The following BCL2 variants were observed in gnomAD, a reference collection of about 807,000 sequenced individuals.
BCL2 encodes BCL2 apoptosis regulator, also known as apoptosis regulator Bcl-2.
In BCL2, 1 loss-of-function variant was observed where a neutral mutation model predicts 14.2. The observed-to-expected ratio is 0.07, with a 90% confidence interval of 0.02 to 0.33. BCL2 has a LOEUF of 0.33. Among genes scored for constraint, BCL2 ranks in the 10% least tolerant of loss-of-function variants. The pLI is 0.99. For missense variants in BCL2, 247 were observed against 305.9 expected (o/e 0.81, Z 1.44); for synonymous variants, 151 against 137.2 (o/e 1.10, Z -0.70).
At chr18:63,280,436 TA>T (rs1311330007) in intron 2 of BCL2, among the ~76,000 whole-genome samples, 9 of 152,232 alleles carry the variant, frequency 5.9e-5, no homozygotes, top group Admixed American at 5.2e-4. Context: ...GTATATCTGA[TA>T]ACGGATTAAC....
chr18:63,199,081 T>TA (rs1461900884), intron 2 of BCL2, among the ~76,000 whole-genome samples: 1 of 136,138 alleles, frequency 7.3e-6, no homozygotes, highest in Non-Finnish European at 1.6e-5. Flanking sequence ...CATGCACACA[T>TA]AGAGACACAC....
At chr18:63,241,856 C>T (rs1028847626) in intron 2 of BCL2, among the ~76,000 whole-genome samples, 5 of 152,136 alleles carry the variant, frequency 3.3e-5, no homozygotes, top group African/African-American at 4.8e-5. Context: ...GGTCACCTTT[C>T]GTAAAAAATA....
In BCL2 at chr18:63,125,213, C is replaced by T. The variant is rs1459660216; in HGVS notation, c.*3412G>A. The T allele has an allele frequency of 4.4e-6, 1 of 225,232 alleles. No homozygotes were observed. The highest frequency in any genetic ancestry group is 8.8e-6 in the Non-Finnish European group (1 of 113,100). 14.0% of individuals were successfully genotyped at this position (225,232 alleles called of 1,614,324 possible). A position where few individuals can be genotyped will look rare whatever the true frequency, so the allele number is the denominator to read the frequency against. On this transcript the variant is annotated 3_prime_UTR_variant, in exon 3 of 3. Coordinates refer to ENST00000333681, the MANE Select transcript of BCL2 (RefSeq NM_000633.3). ...ACAAAGATCACATATAAATGGAAGG[C>T]CACATCTGAACACAGAGAGGTAAGT...
chr18:63,307,310 C>A (rs1021494878), intron 2 of BCL2, among the ~76,000 whole-genome samples: 1 of 152,174 alleles, frequency 6.6e-6, no homozygotes, highest in Admixed American at 6.5e-5. Flanking sequence ...GTATTCCGTA[C>A]AAAAGGTATT....
chr18:63,257,821 G>A (rs146512760), intron 2 of BCL2, among the ~76,000 whole-genome samples: 36 of 152,342 alleles, frequency 2.4e-4, no homozygotes, highest in Non-Finnish European at 4.4e-4. Context: ...GAGGGACGGA[G>A]CATGGAGAGG....
intron 2 of BCL2, chr18:63,161,889 C>A (rs551561462): frequency 4.6e-5 from 7 of 152,340 alleles, no homozygotes; most frequent in African/African-American, 1.7e-4. Context: ...AAACATATTT[C>A]TTTCTCTATG....
intron 2 of BCL2, among the ~76,000 whole-genome samples, chr18:63,243,059 TC>T (rs1341549535): frequency 6.6e-6 from 1 of 152,172 alleles, no homozygotes; most frequent in Admixed American, 6.5e-5. Context: ...TGCAAATTCA[TC>T]AGCATCTGCA....
At chr18:63,176,602 T>C (rs566584213) in intron 2 of BCL2, among the ~76,000 whole-genome samples, 49 of 152,358 alleles carry the variant, frequency 3.2e-4, no homozygotes, top group African/African-American at 1.2e-3. Context: ...TTCTTTCTTT[T>C]TTTTACAATT....
intron 2 of BCL2, among the ~76,000 whole-genome samples, chr18:63,172,606 C>A (rs1454004777): frequency 6.6e-6 from 1 of 152,024 alleles, no homozygotes; most frequent in Non-Finnish European, 1.5e-5. Flanking sequence ...ACGGTGAAAC[C>A]CTGTCTCTAC....
intron 2 of BCL2, among the ~76,000 whole-genome samples, chr18:63,216,470 T>C (rs1910207664): frequency 6.6e-6 from 1 of 151,482 alleles, no homozygotes; most frequent in South Asian, 2.1e-4. Flanking sequence ...TGGCCCTCTG[T>C]AAAGTTTACA....
intron 2 of BCL2, among the ~76,000 whole-genome samples, chr18:63,201,506 T>C (rs1439500602): frequency 6.6e-6 from 1 of 152,234 alleles, no homozygotes; most frequent in Admixed American, 6.5e-5. Flanking sequence ...TGTGTCTTCA[T>C]AGTAGAAGGA....
At chr18:63,305,288 T>A (rs1913089405) in intron 2 of BCL2, among the ~76,000 whole-genome samples, 1 of 152,246 alleles carries the variant, frequency 6.6e-6, no homozygotes, top group African/African-American at 2.4e-5. Flanking sequence ...CAGTCTCTAC[T>A]AAGCAATCTT....
intron 2 of BCL2, among the ~76,000 whole-genome samples, chr18:63,230,220 C>T (rs1016499275): frequency 6.6e-6 from 1 of 152,032 alleles, no homozygotes; most frequent in Non-Finnish European, 1.5e-5. Context: ...AACCACAATC[C>T]CTAAACCCAA....
At chr18:63,217,689 G>A (rs150072884) in intron 2 of BCL2, among the ~76,000 whole-genome samples, 354 of 152,272 alleles carry the variant, frequency 2.3e-3, no homozygotes, top group African/African-American at 8.1e-3. Flanking sequence ...AACTGGCCAC[G>A]TGTCTGTGGG....
rs140589301 is a variant in BCL2 at position 63,246,270 on chromosome 18, ACTT to A, written c.585+71809_585+71811del. Among the ~76,000 whole-genome samples the A allele has an allele frequency of 1.5e-3, 226 of 152,188 alleles. 1 individual carries two copies. The highest frequency in any genetic ancestry group is 5.1e-3 in the African/African-American group (212 of 41,514). Reference sequence around the variant, plus strand: ...TTCTGTCTCCAAGTTTTTCCTCAGGACTTCTCAGGGCTGGCTCCTCATCTCACA... The same window carrying A: ...TTCTGTCTCCAAGTTTTTCCTCAGGACTCAGGGCTGGCTCCTCATCTCACA... On this transcript the variant is annotated intron_variant, in intron 2 of 2. Transcript: ENST00000333681.
chr18:63,308,950 G>A (rs926656555), intron 2 of BCL2, among the ~76,000 whole-genome samples: 8 of 152,120 alleles, frequency 5.3e-5, no homozygotes, highest in Non-Finnish European at 1.2e-4. Flanking sequence ...TTATTAATAA[G>A]GAAGTCTCAA....
At position 63,169,297 on chromosome 18, in the gene BCL2, T is replaced by TTCCTTCCTTCC. The variant is rs1555697330; in HGVS notation, c.586-40539_586-40538insGGAAGGAAGGA. On this transcript the variant is annotated intron_variant, in intron 2 of 2. Coordinates refer to ENST00000333681, the MANE Select transcript of BCL2 (RefSeq NM_000633.3). ...CTTTCTTTCTTTCTTTCTTTCTTTC[T>TTCCTTCCTTCC]TTCTTTCTTTCTTCCTTCCTTCCTT... Among the ~76,000 whole-genome samples the TTCCTTCCTTCC allele has an allele frequency of 2.4e-4, 21 of 88,626 alleles. 1 individual carries two copies. Among genetic ancestry groups the TTCCTTCCTTCC allele is most frequent in the Non-Finnish European group, 3.2e-4 (15 of 47,194 alleles). The allele number at this position is 88,626 out of a possible 152,430, so 58.1% of individuals were successfully genotyped here.
chr18:63,221,150 C>A (rs1599253666), intron 2 of BCL2, among the ~76,000 whole-genome samples: 1 of 152,166 alleles, frequency 6.6e-6, no homozygotes, highest in East Asian at 1.9e-4. Flanking sequence ...TGTCTGTGGG[C>A]AAGTGGTTTT....
intron 2 of BCL2, among the ~76,000 whole-genome samples, chr18:63,222,344 C>T (rs1332213845): frequency 2.0e-5 from 3 of 150,488 alleles, no homozygotes; most frequent in Non-Finnish European, 4.4e-5. Flanking sequence ...GGAAAAATAT[C>T]TGAGGTTGAA....
Sources: allele counts gnomAD v4.1 joint callset (sites outside exome capture counted in the v4.1 genomes callset), GRCh38; gene constraint gnomAD v4.1.1; transcripts MANE v1.5; gene names NCBI Gene and HGNC (gene_info 2026-07-23, HGNC 2026-07-21).